SACS: variants seen among roughly 807,000 people sequenced by gnomAD.
SACS encodes sacsin molecular chaperone.
Under a neutral mutation model 348.0 loss-of-function variants are expected in SACS, and 197 were observed. The ratio of observed to expected loss-of-function variants is 0.57; its 90% confidence interval spans 0.50 to 0.64. The LOEUF (loss-of-function observed/expected upper bound fraction) is 0.64, where lower values mean the gene tolerates loss of function less well. Among genes scored for constraint, SACS ranks in the 30% least tolerant of loss-of-function variants. SACS has a pLI of 0.00. For missense variants in SACS, 4,999 were observed against 5,360.8 expected, an observed-to-expected ratio of 0.93 and a Z score of 2.11; for synonymous variants, 1,985 against 1,910.6, an observed-to-expected ratio of 1.04 and a Z score of -1.02.
Position 23,336,039 on chromosome 13 carries a change from C to T in SACS, c.7837G>A (p.Glu2613Lys). 6.2e-7 allele frequency: 1 copy of T among 1,612,312 alleles called. No homozygotes were observed. The highest frequency in any genetic ancestry group is 1.7e-4 in the Middle Eastern group (1 of 6,052). The change falls in exon 10 of 10, where the codon GAG becomes AAG. Residue 2613 changes from glutamate to lysine, a missense_variant. Coordinates refer to ENST00000382292, the MANE Select transcript of SACS (RefSeq NM_014363.6). ...TGTCCAGTTTTATAAGGATTTCCCT[C>T]TTTCGTGCCTTTTCCAAGATTCTGA... ...GIQNLGKGTK[E>K]GNPYKTGQYG... is the part of the protein sequence containing the mutation.
Position 23,330,077 on chromosome 13 carries a change from C to T in SACS, c.*59G>A, listed in dbSNP as rs2137546529. ...ATTGGCAATGAAGCTTAATGAAGTA[C>T]AGCAATTTATTCGTGCTACAACACA... On this transcript the variant is annotated 3_prime_UTR_variant, in exon 10 of 10. Transcript: ENST00000382292. 6.9e-7 allele frequency: 1 copy of T among 1,452,140 alleles called. No individual in the cohort carries two copies. Among genetic ancestry groups the T allele is most frequent in the Non-Finnish European group, 9.6e-7 (1 of 1,042,880 alleles). 90.0% of individuals were successfully genotyped at this position (1,452,140 alleles called of 1,614,324 possible).
intron 2 of SACS, among the ~76,000 whole-genome samples, chr13:23,389,667 A>G (rs1872450502): frequency 6.6e-6 from 1 of 152,252 alleles, no homozygotes; most frequent in East Asian, 1.9e-4. Flanking sequence ...ATACGTGTAC[A>G]AGGGATACGT....
At position 23,397,075 on chromosome 13, in the gene SACS, T is replaced by C. The variant is rs1214469162; in HGVS notation, c.20+14145A>G. On this transcript the variant is annotated intron_variant, in intron 2 of 9. Coordinates refer to ENST00000382292, the MANE Select transcript of SACS (RefSeq NM_014363.6). ...TAATAATTGTGAGATGGTAGATTCA[T>C]AAAACTTGCTAGCCTTCTACAGAAT... Among the ~76,000 whole-genome samples, 3 of 152,184 alleles carry C rather than the reference T, an allele frequency of 2.0e-5. No homozygotes were observed. The East Asian group carries it at 5.8e-4, about 29-fold the overall frequency.
At chr13:23,430,308 TAACA>T (rs957315701) in intron 1 of SACS, among the ~76,000 whole-genome samples, 32 of 152,206 alleles carry the variant, frequency 2.1e-4, no homozygotes, top group African/African-American at 7.7e-4. Context: ...CTTAAAGACC[TAACA>T]AACTAATATC....
Position 23,333,558 on chromosome 13 carries a change from C to G in SACS, c.10318G>C (p.Glu3440Gln). The stretch of plus-strand genomic sequence containing the variant: ...GATGACTGTGTCCATTTCTCCACTT[C>G]AGCTGAAGGGATACTTTTTGTAAGT... ...YVLTKSIPSAEVEKWTQSSSS... is the reference protein window; with the variant it reads ...YVLTKSIPSAQVEKWTQSSSS... Residue 3440 changes from glutamate to glutamine, a missense_variant, in exon 10 of 10, where the codon GAA (glutamate) becomes CAA (glutamine). Glu to Gln is a conservative substitution (Grantham distance 29). Around this residue, in one of 6 missense-constraint regions of SACS, gnomAD observed 734 missense variants for 694.0 expected, o/e 1.06. Coordinates refer to ENST00000382292, the MANE Select transcript of SACS (RefSeq NM_014363.6). 6.2e-7 allele frequency: 1 copy of G among 1,613,644 alleles called. No homozygotes were observed. The highest frequency in any genetic ancestry group is 1.6e-4 in the Middle Eastern group (1 of 6,062).
chr13:23,393,126 G>C (rs1442708575), intron 2 of SACS, among the ~76,000 whole-genome samples: 1 of 152,142 alleles, frequency 6.6e-6, no homozygotes, highest in African/African-American at 2.4e-5. Context: ...TGGACCAACA[G>C]GCTCAAATGG....
At chr13:23,405,070 A>C (rs528356410) in intron 2 of SACS, among the ~76,000 whole-genome samples, 1 of 152,236 alleles carries the variant, frequency 6.6e-6, no homozygotes, top group Non-Finnish European at 1.5e-5. Context: ...TTTAAATTTC[A>C]TATGGAACCA....
At chr13:23,383,828 T>TC (rs1872165367) in intron 2 of SACS, among the ~76,000 whole-genome samples, 1 of 152,080 alleles carries the variant, frequency 6.6e-6, no homozygotes, top group African/African-American at 2.4e-5. Flanking sequence ...ACTTGCTAAG[T>TC]CCCCCTCTGG....
Position 23,354,731 on chromosome 13 carries a change from C to T in SACS, c.1881G>A (p.Thr627=), listed in dbSNP as rs148398102. The change falls in exon 8 of 10, where the codon ACG becomes ACA. Residue 627 remains threonine, a synonymous_variant. Coordinates refer to ENST00000382292, the MANE Select transcript of SACS (RefSeq NM_014363.6). ...ASGTTPVRKV[T]PAWVRQVLRK... is the part of the protein sequence containing the mutation. Reference sequence around the variant, plus strand: ...GCAGCACCTGCCGCACCCACGCGGGCGTCACCTTCCTCACAGGTGTTGTGC... The same window carrying T: ...GCAGCACCTGCCGCACCCACGCGGGTGTCACCTTCCTCACAGGTGTTGTGC... 1.4e-5 allele frequency: 23 copies of T among 1,613,374 alleles called. No homozygotes were observed. The African/African-American group carries it at 1.5e-4, about 10-fold the overall frequency.
intron 2 of SACS, among the ~76,000 whole-genome samples, chr13:23,403,161 G>A (rs1050349341): frequency 6.6e-6 from 1 of 151,362 alleles, no homozygotes; most frequent in African/African-American, 2.4e-5. Context: ...CTGGGCAACA[G>A]AGTGAGACTC....
At chr13:23,408,758 A>G (rs993242586) in intron 2 of SACS, among the ~76,000 whole-genome samples, 24 of 152,080 alleles carry the variant, frequency 1.6e-4, no homozygotes, top group African/African-American at 2.2e-4. Flanking sequence ...GAGGTCAGGA[A>G]ATCGAGACCA....
Position 23,335,741 on chromosome 13 carries a change from T to C in SACS, c.8135A>G (p.Glu2712Gly), listed in dbSNP as rs1868525511. 1 of 1,614,002 alleles carries C rather than the reference T, an allele frequency of 6.2e-7. No homozygotes were observed. The highest frequency in any genetic ancestry group is 2.2e-5 in the East Asian group (1 of 44,880). ...LRNAEMAKVSEISSVPASDRM... is the reference protein window; with the variant it reads ...LRNAEMAKVSGISSVPASDRM... ...GTCTGATGCTGGAACAGACGAAATTTCCGAAACTTTTGCCATTTCTGCATT... is the reference window on the plus strand; with the variant it reads ...GTCTGATGCTGGAACAGACGAAATTCCCGAAACTTTTGCCATTTCTGCATT... Residue 2712 changes from glutamate to glycine, a missense_variant, in exon 10 of 10, where the codon GAA becomes GGA. Transcript: ENST00000382292. The surrounding 1 kb of genome is among the most constrained non-coding windows in gnomAD (Gnocchi z 4.7).
chr13:23,356,537 A>G (rs940173481), intron 7 of SACS, among the ~76,000 whole-genome samples: 2 of 152,242 alleles, frequency 1.3e-5, no homozygotes, highest in Non-Finnish European at 2.9e-5. Context: ...TCTTGCTGGG[A>G]GCATCTCACC....
Position 23,338,440 on chromosome 13 carries a change from T to G in SACS, c.5436A>C (p.Thr1812=), listed in dbSNP as rs778776007. Residue 1812 remains threonine, a synonymous_variant, in exon 10 of 10, where the codon ACA becomes ACC. Coordinates refer to ENST00000382292, the MANE Select transcript of SACS (RefSeq NM_014363.6). ...ACAGAAGCCACGTGGTACACTCTAC[T>G]GTTTTCTGTGACAACTCATCTGATG... ...KKPSDELSQK[T]VECTTWLLCT... The G allele has an allele frequency of 6.2e-7, 1 of 1,614,138 alleles. No individual in the cohort carries two copies. Among genetic ancestry groups the G allele is most frequent in the Admixed American group, 1.7e-5 (1 of 60,034 alleles).
Position 23,429,345 on chromosome 13 carries a change from A to ATTTTTTTTTTTTTT in SACS, c.-502+4256_-502+4269dup, listed in dbSNP as rs536939164. Reference sequence around the variant, plus strand: ...CTGTGATTCAGTCGTTGAGGTAGGGATTTTTTTTTTTTTTTTTTTTTTTTT... The same window carrying ATTTTTTTTTTTTTT: ...CTGTGATTCAGTCGTTGAGGTAGGGATTTTTTTTTTTTTTTTTTTTTTTTTTTTTTTTTTTTTTT... On this transcript the variant is annotated intron_variant, in intron 1 of 9. Coordinates refer to ENST00000382292, the MANE Select transcript of SACS (RefSeq NM_014363.6). Among the ~76,000 whole-genome samples, 5 of 51,466 alleles carry ATTTTTTTTTTTTTT rather than the reference A, an allele frequency of 9.7e-5. 1 individual carries two copies. Among genetic ancestry groups the ATTTTTTTTTTTTTT allele is most frequent in the East Asian group, 7.0e-4 (1 of 1,438 alleles). The allele number at this position is 51,466 out of a possible 152,430, so 33.8% of individuals were successfully genotyped here. A position where few individuals can be genotyped will look rare whatever the true frequency, so the allele number is the denominator to read the frequency against.
chr13:23,426,199 C>T (rs1475699524), intron 1 of SACS, among the ~76,000 whole-genome samples: 1 of 152,130 alleles, frequency 6.6e-6, no homozygotes, highest in African/African-American at 2.4e-5. Flanking sequence ...TGAGACAGGT[C>T]TCAGTTAATT....
rs536784009 is a variant in SACS at position 23,406,378 on chromosome 13, C to T, written c.20+4842G>A. Reference sequence around the variant, plus strand: ...GGAAACACCACACACCAGGGCCTGTCGGGGGGTGGGGATTAGGGGAGGGAT... The same window carrying T: ...GGAAACACCACACACCAGGGCCTGTTGGGGGGTGGGGATTAGGGGAGGGAT... On this transcript the variant is annotated intron_variant, in intron 2 of 9. Coordinates refer to ENST00000382292, the MANE Select transcript of SACS (RefSeq NM_014363.6). Among the ~76,000 whole-genome samples the T allele has an allele frequency of 1.1e-4, 16 of 142,974 alleles. No individual in the cohort carries two copies. The South Asian group carries it at 2.2e-3, about 20-fold the overall frequency. The allele number at this position is 142,974 out of a possible 152,430, so 93.8% of individuals were successfully genotyped here. A position where few individuals can be genotyped will look rare whatever the true frequency, so the allele number is the denominator to read the frequency against.
At chr13:23,345,872 T>C (rs1301392884) in intron 9 of SACS, among the ~76,000 whole-genome samples, 2 of 151,776 alleles carry the variant, frequency 1.3e-5, no homozygotes, top group Non-Finnish European at 2.9e-5. Context: ...TTGGGGAAAA[T>C]AGGACCACTA....
chr13:23,401,232 G>T (rs1872965720), intron 2 of SACS, among the ~76,000 whole-genome samples: 1 of 152,146 alleles, frequency 6.6e-6, no homozygotes, highest in Non-Finnish European at 1.5e-5. Flanking sequence ...GAACTGCTTA[G>T]GGCCAACCTG....
Sources: gnomAD v4.1 joint callset for allele counts (sites outside exome capture counted in the v4.1 genomes callset) on GRCh38, gnomAD v4.1.1 for gene constraint, gnomAD v4.1.1 regional missense constraint, Gnocchi (gnomAD v3.1) non-coding constraint, MANE v1.5 for transcripts, NCBI Gene and HGNC (gene_info 2026-07-23, HGNC 2026-07-21) for gene names.